The following NRG1 variants were observed in gnomAD, a reference collection of about 807,000 sequenced individuals.
NRG1 encodes the protein neuregulin 1.
Under a neutral mutation model 63.8 loss-of-function variants are expected in NRG1, and 18 were observed. The ratio of observed to expected loss-of-function variants is 0.28; its 90% confidence interval spans 0.19 to 0.42. The LOEUF is 0.42. Among genes scored for constraint, NRG1 ranks in the 10% least tolerant of loss-of-function variants. The pLI is 1.00. For synonymous variants in NRG1, 302 were observed against 301.3 expected, an observed-to-expected ratio of 1.00 and a Z score of -0.02; for missense variants, 762 against 814.7, an observed-to-expected ratio of 0.94 and a Z score of 0.79.
At chr8:32,770,166 T>G (rs768943825), downstream of NRG1, among the ~76,000 whole-genome samples, 6 of 152,190 alleles carry the variant, frequency 3.9e-5, no homozygotes, top group Non-Finnish European at 8.8e-5. Flanking sequence ...TCTGTAGATT[T>G]AAACATCTTT....
At chr8:31,683,311 A>G (rs1264992159) in intron 1 of NRG1, among the ~76,000 whole-genome samples, 1 of 152,148 alleles carries the variant, frequency 6.6e-6, no homozygotes, top group African/African-American at 2.4e-5. Context: ...TAGTAGGTGC[A>G]TAGAGAAAAA....
chr8:32,069,580 G>T (rs1409450398), intron 1 of NRG1, among the ~76,000 whole-genome samples: 2 of 152,182 alleles, frequency 1.3e-5, no homozygotes, highest in African/African-American at 4.8e-5. Flanking sequence ...AGAAAAGAGA[G>T]AGACTCTAAA....
intron 1 of NRG1, among the ~76,000 whole-genome samples, chr8:31,672,036 G>T (rs948354263): frequency 6.6e-6 from 1 of 152,144 alleles, no homozygotes; most frequent in Non-Finnish European, 1.5e-5. Context: ...AGGTCTTACT[G>T]TAATTAAATT....
At chr8:32,185,975 G>C (rs1449073556) in intron 1 of NRG1, among the ~76,000 whole-genome samples, 2 of 152,120 alleles carry the variant, frequency 1.3e-5, no homozygotes, top group African/African-American at 4.8e-5. Flanking sequence ...TTTTGTCTCT[G>C]CAATTACTGT....
intron 1 of NRG1, among the ~76,000 whole-genome samples, chr8:31,996,909 ATC>A (rs1455679191): frequency 6.6e-6 from 1 of 151,958 alleles, no homozygotes; most frequent in African/African-American, 2.4e-5. Context: ...CCCATGCCCC[ATC>A]TCTACTAAGG....
At chr8:31,983,124 A>G (rs1472775298) in intron 1 of NRG1, among the ~76,000 whole-genome samples, 1 of 152,150 alleles carries the variant, frequency 6.6e-6, no homozygotes, top group Non-Finnish European at 1.5e-5. Context: ...AAAAGTCTGC[A>G]GAATATTTTT....
intron 1 of NRG1, among the ~76,000 whole-genome samples, chr8:32,197,512 C>T (rs1045193479): frequency 6.6e-6 from 1 of 152,158 alleles, no homozygotes; most frequent in South Asian, 2.1e-4. Flanking sequence ...TGACCTTTTG[C>T]CTTTTGGCAA....
chr8:32,143,779 T>C (rs1412854204), intron 1 of NRG1, among the ~76,000 whole-genome samples: 1 of 152,184 alleles, frequency 6.6e-6, no homozygotes, highest in East Asian at 1.9e-4. Context: ...TGAAAATAAA[T>C]ACACACACCC....
intron 1 of NRG1, among the ~76,000 whole-genome samples, chr8:32,077,017 C>T (rs1403307467): frequency 1.3e-5 from 2 of 152,162 alleles, no homozygotes; most frequent in African/African-American, 4.8e-5. Context: ...CAACATTCTT[C>T]TCATAATGTC....
chr8:32,724,687 G>A (rs781125939), intron 5 of NRG1, among the ~76,000 whole-genome samples: 15 of 152,276 alleles, frequency 9.9e-5, no homozygotes, highest in Middle Eastern at 3.4e-3. Context: ...CTGGTTTGGA[G>A]CAGCTGCATC....
chr8:31,848,342 A>G (rs947703173), intron 1 of NRG1, among the ~76,000 whole-genome samples: 1 of 152,170 alleles, frequency 6.6e-6, no homozygotes, highest in African/African-American at 2.4e-5. Flanking sequence ...TTTCCTCCTG[A>G]AGGGGAAAGC....
At chr8:32,190,847 G>C (rs1842424241) in intron 1 of NRG1, among the ~76,000 whole-genome samples, 2 of 152,116 alleles carry the variant, frequency 1.3e-5, no homozygotes, top group South Asian at 2.1e-4. Flanking sequence ...AAGTCCCATG[G>C]GGCAAAGGGA....
At chr8:32,518,404 C>T (rs1452560801) in intron 1 of NRG1, among the ~76,000 whole-genome samples, 1 of 152,104 alleles carries the variant, frequency 6.6e-6, no homozygotes, top group African/African-American at 2.4e-5. Context: ...TCTCATAATT[C>T]CTTGCAATAT....
intron 1 of NRG1, among the ~76,000 whole-genome samples, chr8:31,762,397 A>C (rs752493713): frequency 6.6e-6 from 1 of 152,220 alleles, no homozygotes; most frequent in African/African-American, 2.4e-5. Context: ...ATGGCTGCAA[A>C]GTATTCCATG....
intron 1 of NRG1, among the ~76,000 whole-genome samples, chr8:32,019,772 A>G (rs931687813): frequency 2.7e-4 from 41 of 152,172 alleles, no homozygotes; most frequent in African/African-American, 9.2e-4. Flanking sequence ...AACCAGTGCT[A>G]TAGTACCATT....
intron 1 of NRG1, among the ~76,000 whole-genome samples, chr8:31,714,192 TA>T (rs1385610030): frequency 6.6e-6 from 1 of 150,992 alleles, no homozygotes; most frequent in Non-Finnish European, 1.5e-5. Context: ...TTAAGGAGTT[TA>T]TTTTTTTCCT....
intron 1 of NRG1, among the ~76,000 whole-genome samples, chr8:31,937,055 A>G (rs995484846): frequency 1.3e-5 from 2 of 152,214 alleles, no homozygotes; most frequent in Admixed American, 6.5e-5. Flanking sequence ...TTTCATTGCC[A>G]ACATCTCATA....
At chr8:31,831,627 A>ACT (rs1825172566) in intron 1 of NRG1, among the ~76,000 whole-genome samples, 1 of 152,132 alleles carries the variant, frequency 6.6e-6, no homozygotes, top group Non-Finnish European at 1.5e-5. Flanking sequence ...TGACAGGGTC[A>ACT]ATTTTGGGTA....
At chr8:31,642,857 T>C (rs1054502158) in intron 1 of NRG1, among the ~76,000 whole-genome samples, 5 of 152,190 alleles carry the variant, frequency 3.3e-5, no homozygotes, top group African/African-American at 1.2e-4. Flanking sequence ...ATGCTAAAAG[T>C]TTCTCCTCGC....
Sources: gnomAD v4.1 joint callset for allele counts (sites outside exome capture counted in the v4.1 genomes callset) on GRCh38, gnomAD v4.1.1 for gene constraint, MANE v1.5 for transcripts, NCBI Gene and HGNC (gene_info 2026-07-23, HGNC 2026-07-21) for gene names.